The following ARHGEF2 variants were observed in gnomAD, a reference collection of about 807,000 sequenced individuals.
ARHGEF2 encodes the protein Rho/Rac guanine nucleotide exchange factor 2.
In ARHGEF2, 22 loss-of-function variants were observed where a neutral mutation model predicts 121.0. The observed-to-expected ratio is 0.18, with a 90% CI of 0.13 to 0.26. The LOEUF (loss-of-function observed/expected upper bound fraction) is 0.26. Ranked by LOEUF, ARHGEF2 falls within the 10% of genes least tolerant of loss-of-function variation. The pLI is 1.00. For missense variants in ARHGEF2, 907 were observed against 1,336.0 expected, an observed-to-expected ratio of 0.68 and a Z score of 5.01; for synonymous variants, 487 against 530.0, an observed-to-expected ratio of 0.92 and a Z score of 1.11.
chr1:155,950,216 A>C lies in ARHGEF2; in HGVS notation c.2887+83T>G. The C allele has an allele frequency of 6.6e-7, 1 of 1,514,216 alleles. No homozygotes were observed. Among genetic ancestry groups the C allele is most frequent in the Non-Finnish European group, 9.0e-7 (1 of 1,113,656 alleles). 93.8% of individuals were successfully genotyped at this position (1,514,216 alleles called of 1,614,324 possible). On this transcript the variant is annotated intron_variant, in intron 21 of 21. Coordinates refer to ENST00000361247, the MANE Select transcript of ARHGEF2 (RefSeq NM_001162383.2). This position sits in a 1 kb window ranked among gnomAD's most constrained non-coding sequence, Gnocchi z 5.2. Reference sequence around the variant, plus strand: ...TTACTACAAGCCTCACAGGTCAGTTAGGGCCCATTTGGAAGCCACAGCCCA... The same window carrying C: ...TTACTACAAGCCTCACAGGTCAGTTCGGGCCCATTTGGAAGCCACAGCCCA...
At chr1:155,972,588 C>T (rs1437028019) in intron 1 of ARHGEF2, among the ~76,000 whole-genome samples, 1 of 152,122 alleles carries the variant, frequency 6.6e-6, no homozygotes, top group Non-Finnish European at 1.5e-5. Context: ...CAAGACCCAA[C>T]CTATGCACCA....
At position 155,965,027 on chromosome 1, in the gene ARHGEF2, G is replaced by A; in HGVS notation, c.685C>T (p.His229Tyr). 6.2e-7 allele frequency: 1 copy of A among 1,614,062 alleles called. No individual in the cohort carries two copies. The highest frequency in any genetic ancestry group is 8.5e-7 in the Non-Finnish European group (1 of 1,180,010). Residue 229 changes from histidine (H) to tyrosine (Y), a missense_variant, in exon 7 of 22, where the codon CAT (histidine) becomes TAT (tyrosine). Physicochemically the swap from His to Tyr is moderately conservative, Grantham distance 83. This residue lies in a region of ARHGEF2 where 475 missense variants were observed against 776.5 expected (regional missense o/e 0.61). Transcript: ENST00000361247. This position sits in a 1 kb window ranked among gnomAD's most constrained non-coding sequence, Gnocchi z 6.0. ...TGCTGCTTCATCACCTCCTTTTTAT[G>A]CTGCTGCAGGAAGCTGCTGTCCACA... Reference protein sequence around the residue: ...LAVDSSFLQQHKKEVMKQQDV... With the variant: ...LAVDSSFLQQYKKEVMKQQDV...
intron 7 of ARHGEF2, among the ~76,000 whole-genome samples, chr1:155,964,297 G>A (rs1012121426): frequency 1.4e-5 from 2 of 145,860 alleles, no homozygotes; most frequent in Non-Finnish European, 3.0e-5. Flanking sequence ...CTCCCACCTC[G>A]GCCTCCCAAA....
chr1:155,957,624 T>C, intron 13 of ARHGEF2, 89 bp downstream of exon 13: 1 of 1,433,566 alleles, frequency 7.0e-7, no homozygotes. Context: ...GAATGCTGGA[T>C]TCTGTTCCCA....
rs1426046254 is a variant in ARHGEF2 at position 155,950,996 on chromosome 1, G to A, written c.2536C>T (p.Arg846Trp). 6.2e-7 allele frequency: 1 copy of A among 1,608,556 alleles called. No individual in the cohort carries two copies. The highest frequency in any genetic ancestry group is 8.5e-7 in the Non-Finnish European group (1 of 1,178,774). ...EARLRESEQARALLEREAEEA... is the reference protein window; with the variant it reads ...EARLRESEQAWALLEREAEEA... ...TCGGCCTCACGCTCCAGCAGTGCCC[G>A]GGCCTGCTCACTCTCCCGGAGCCGG... is the stretch of plus-strand genomic sequence containing the variant. Residue 846 changes from arginine to tryptophan, a missense_variant, in exon 20 of 22, where the codon CGG (arginine) becomes TGG (tryptophan). This residue lies in a region of ARHGEF2 where 432 missense variants were observed against 559.5 expected (regional missense o/e 0.77). Coordinates refer to ENST00000361247, the MANE Select transcript of ARHGEF2 (RefSeq NM_001162383.2). This position sits in a 1 kb window ranked among gnomAD's most constrained non-coding sequence, Gnocchi z 5.2.
At position 155,964,216 on chromosome 1, in the gene ARHGEF2, A is replaced by ATT. The variant is rs1234592071; in HGVS notation, c.724+770_724+771dup. On this transcript the variant is annotated intron_variant, in intron 7 of 21. Transcript: ENST00000361247. ...TATATATACATATATATATATATAT[A>ATT]TTTTTTTTTTAGAGACAGAGGTCTT... Among the ~76,000 whole-genome samples the ATT allele has an allele frequency of 6.2e-3, 744 of 119,180 alleles. 6 individuals carry two copies. Among genetic ancestry groups the ATT allele is most frequent in the African/African-American group, 0.014 (432 of 30,520 alleles). 78.2% of individuals were successfully genotyped at this position (119,180 alleles called of 152,430 possible).
rs1284943822 is a variant in ARHGEF2 at position 155,950,548 on chromosome 1, C to T, written c.2704-66G>A. ...AGTAGTGTGAAGATTGGAGGTTCTG[C>T]TTGGCTGAAGGCAGCAGCTCTCCCC... On this transcript the variant is annotated intron_variant, in intron 20 of 21. Transcript: ENST00000361247. This position sits in a 1 kb window ranked among gnomAD's most constrained non-coding sequence, Gnocchi z 5.2. 1.3e-6 allele frequency: 2 copies of T among 1,546,644 alleles called. No individual in the cohort carries two copies. The highest frequency in any genetic ancestry group is 1.8e-6 in the Non-Finnish European group (2 of 1,127,926).
intron 2 of ARHGEF2, among the ~76,000 whole-genome samples, 172 bp from the exon 3 acceptor site, chr1:155,967,059 T>C (rs992540954): frequency 1.3e-5 from 2 of 152,004 alleles, no homozygotes; most frequent in Non-Finnish European, 2.9e-5. Flanking sequence ...ACCTCCCTCT[T>C]CCTTCAAGCA....
intron 1 of ARHGEF2, among the ~76,000 whole-genome samples, chr1:155,976,393 T>G (rs1251539799): frequency 2.0e-5 from 3 of 151,706 alleles, no homozygotes; most frequent in Non-Finnish European, 2.9e-5. Flanking sequence ...GGTGGCCTCT[T>G]TGCCCTCTCA....
rs1355066378 is a variant in ARHGEF2, at chr1:155,950,464, G to A, written c.2722C>T (p.Arg908Cys). The change falls in exon 21 of 22, where the codon CGC becomes TGC. Residue 908 changes from arginine (R) to cysteine (C), a missense_variant. Arg to Cys is a radical substitution (Grantham distance 180). Around this residue, in one of 2 missense-constraint regions of ARHGEF2, gnomAD observed 432 missense variants for 559.5 expected, o/e 0.77. Transcript: ENST00000361247. This position sits in a 1 kb window ranked among gnomAD's most constrained non-coding sequence, Gnocchi z 5.2. ...NPPQPSRGTD[R>C]LDLPVTTRSV... ...CGAGTAGTGACAGGTAGATCCAGGC[G>A]GTCAGTGCCTCGGCTGGGCTGTGGA... is the stretch of plus-strand genomic sequence containing the variant. The A allele has an allele frequency of 1.3e-5, 21 of 1,613,728 alleles. No homozygotes were observed. The highest frequency in any genetic ancestry group is 1.6e-5 in the Non-Finnish European group (19 of 1,180,028).
rs747776708 is a variant in ARHGEF2, at chr1:155,978,374, C to T, written c.54G>A (p.Leu18=). The change falls in exon 1 of 22, where the codon CTG becomes CTA. Residue 18 remains leucine, a synonymous_variant. Transcript: ENST00000361247. The surrounding 1 kb of genome is among the most constrained non-coding windows in gnomAD (Gnocchi z 4.1). ...TRARIDRSRE[L]ASKTREKEKM... ...GGGTTTCCGAGCCCACCTTGCTCGC[C>T]AGCTCTCTGCTCCGGTCGATCCGCG... 5 of 1,517,068 alleles carry T rather than the reference C, an allele frequency of 3.3e-6. No homozygotes were observed. The South Asian group carries it at 4.9e-5, about 15-fold the overall frequency. 94.0% of individuals were successfully genotyped at this position (1,517,068 alleles called of 1,614,324 possible). A position where few individuals can be genotyped will look rare whatever the true frequency, so the allele number is the denominator to read the frequency against.
At chr1:155,969,095 T>C (rs1434958379) in intron 2 of ARHGEF2, 61 bp downstream of exon 2, 2 of 1,592,146 alleles carry the variant, frequency 1.3e-6, no homozygotes, top group Admixed American at 1.7e-5. Context: ...AAAAAACAGA[T>C]GAAAAGATCA....
chr1:155,969,363 G>C, intron 1 of ARHGEF2, 63 bp from the exon 2 acceptor site: 1 of 1,601,922 alleles, frequency 6.2e-7, no homozygotes, highest in Non-Finnish European at 8.5e-7. Flanking sequence ...CTGGAGTCCA[G>C]AGAGACAGGC....
rs1269244857 is a variant in ARHGEF2 at position 155,951,263 on chromosome 1, C to T, written c.2269G>A (p.Ala757Thr). 6.2e-7 allele frequency: 1 copy of T among 1,601,658 alleles called. No homozygotes were observed. ...GLLHGLQAAV[A>T]QQDTLMEARF... is the part of the protein sequence containing the mutation. ...GCTTCCATCAGAGTGTCCTGCTGGGCCACAGCTGCCTGGGAGTAGAATGCA... is the reference window on the plus strand; with the variant it reads ...GCTTCCATCAGAGTGTCCTGCTGGGTCACAGCTGCCTGGGAGTAGAATGCA... The change falls in exon 20 of 22, where the codon GCC becomes ACC. Residue 757 changes from alanine to threonine, a missense_variant. By Grantham distance (58) the Ala-to-Thr change is moderately conservative. This residue lies in a region of ARHGEF2 where 432 missense variants were observed against 559.5 expected (regional missense o/e 0.77). Transcript: ENST00000361247. The surrounding 1 kb of genome is among the most constrained non-coding windows in gnomAD (Gnocchi z 5.1).
intron 12 of ARHGEF2, 39 bp downstream of exon 12, chr1:155,958,281 C>T (rs775937942): frequency 2.9e-5 from 46 of 1,567,310 alleles, no homozygotes; most frequent in Middle Eastern, 3.3e-4. Flanking sequence ...GACTAAAACA[C>T]TTGTCTGTGC....
At chr1:155,978,856 C>T (rs1681833047), upstream of ARHGEF2, 7 of 986,988 alleles carry the variant, frequency 7.1e-6, no homozygotes, top group South Asian at 2.3e-4. This position sits in a 1 kb window ranked among gnomAD's most constrained non-coding sequence, Gnocchi z 4.1. Flanking sequence ...TCCCCTCTGC[C>T]CTCCCCTTCT....
intron 1 of ARHGEF2, among the ~76,000 whole-genome samples, chr1:155,973,700 C>T (rs1021304288): frequency 1.3e-5 from 2 of 150,768 alleles, no homozygotes; most frequent in Non-Finnish European, 3.0e-5. Context: ...GAGCCAAGAT[C>T]ATGCCACTGC....
chr1:155,959,101 T>G (rs955623228), intron 11 of ARHGEF2, among the ~76,000 whole-genome samples: 15 of 152,242 alleles, frequency 9.9e-5, no homozygotes, highest in African/African-American at 3.6e-4. Flanking sequence ...CTGTAAACCT[T>G]CTGAAGGTGT....
rs1329321498 is a variant in ARHGEF2, at chr1:155,951,749, G to A, written c.2200C>T (p.Pro734Ser). The change falls in exon 18 of 22, where the codon CCG becomes TCG. Residue 734 changes from proline (P) to serine (S), a missense_variant. Around this residue, in one of 2 missense-constraint regions of ARHGEF2, gnomAD observed 432 missense variants for 559.5 expected, o/e 0.77. Transcript: ENST00000361247. This position sits in a 1 kb window ranked among gnomAD's most constrained non-coding sequence, Gnocchi z 5.1. ...ATCAATTCCCATCTCACCTCTTGCG[G>A]TGATCTCAGCTGATTTCCATTTCGA... is the stretch of plus-strand genomic sequence containing the variant. ...RDRNGNQLRS[P>S]QEEALQRLVN... is the part of the protein sequence containing the mutation. 1.9e-6 allele frequency: 3 copies of A among 1,613,866 alleles called. No individual in the cohort carries two copies. The highest frequency in any genetic ancestry group is 2.2e-5 in the South Asian group (2 of 91,078).
Sources: allele counts gnomAD v4.1 joint callset (sites outside exome capture counted in the v4.1 genomes callset), GRCh38; gene constraint gnomAD v4.1.1; regional missense constraint gnomAD v4.1.1; non-coding constraint Gnocchi (gnomAD v3.1); transcripts MANE v1.5; gene names NCBI Gene and HGNC (gene_info 2026-07-23, HGNC 2026-07-21).